Variants in PDE3A observed in about 807,000 individuals in gnomAD.
PDE3A encodes the protein phosphodiesterase 3A.
In PDE3A, 43 loss-of-function variants were observed where a neutral mutation model predicts 98.3. The observed-to-expected ratio is 0.44, with a 90% CI of 0.34 to 0.56. The LOEUF is 0.56. Among genes scored for constraint, PDE3A ranks in the 20% least tolerant of loss-of-function variants. The pLI is 0.01. For synonymous variants in PDE3A, 663 were observed against 567.9 expected (o/e 1.17, Z -2.38); for missense variants, 1,427 against 1,440.7 (o/e 0.99, Z 0.15).
chr12:20,532,900 T>C (rs1941647654), intron 1 of PDE3A, among the ~76,000 whole-genome samples: 1 of 152,062 alleles, frequency 6.6e-6, no homozygotes, highest in Non-Finnish European at 1.5e-5. Flanking sequence ...TTGGTCTCGA[T>C]CTCCTGACCT....
intron 1 of PDE3A, among the ~76,000 whole-genome samples, chr12:20,435,434 A>C (rs183156654): frequency 2.6e-4 from 39 of 152,328 alleles, no homozygotes; most frequent in Non-Finnish European, 3.4e-4. Flanking sequence ...AACCTGGAAC[A>C]ACCCCATATT....
chr12:20,678,913 T>C (rs151230552), intron 15 of PDE3A, among the ~76,000 whole-genome samples: 196 of 152,122 alleles, frequency 1.3e-3, no homozygotes, highest in African/African-American at 4.2e-3. Context: ...GGGGGAAAAG[T>C]TCCCCCTAAA....
chr12:20,369,472 C>G lies in PDE3A; in HGVS notation c.188C>G (p.Ser63Cys), dbSNP rs1352694858. ...QPLRSSRKLS[S>C]ALCAGSLSFL... ...CTCCGGAGCTCTCGGAAACTTTCCT[C>G]CGCGCTGTGCGCGGGCTCCCTGTCC... Residue 63 changes from serine to cysteine, a missense_variant, in exon 1 of 16, where the codon TCC becomes TGC. By Grantham distance (112) the Ser-to-Cys change is moderately radical (BLOSUM62 -1). Around this residue, in one of 3 missense-constraint regions of PDE3A, gnomAD observed 1,012 missense variants for 886.5 expected, o/e 1.14. Coordinates refer to ENST00000359062, the MANE Select transcript of PDE3A (RefSeq NM_000921.5). 6.4e-7 allele frequency: 1 copy of G among 1,556,120 alleles called. No individual in the cohort carries two copies. The highest frequency in any genetic ancestry group is 1.2e-5 in the South Asian group (1 of 84,438).
At chr12:20,492,253 G>A (rs1945840096) in intron 1 of PDE3A, among the ~76,000 whole-genome samples, 1 of 152,032 alleles carries the variant, frequency 6.6e-6, no homozygotes, top group Admixed American at 6.6e-5. Flanking sequence ...CAAAGTGCTG[G>A]GATTACAAGT....
intron 15 of PDE3A, among the ~76,000 whole-genome samples, chr12:20,666,579 T>C (rs1355597948): frequency 6.6e-6 from 1 of 152,194 alleles, no homozygotes; most frequent in Admixed American, 6.5e-5. Flanking sequence ...TGATCTCCAG[T>C]TCCATTAATG....
intron 1 of PDE3A, among the ~76,000 whole-genome samples, chr12:20,504,752 C>T (rs549995908): frequency 1.4e-4 from 21 of 152,166 alleles, no homozygotes; most frequent in African/African-American, 5.1e-4. Flanking sequence ...ATAATTTCTA[C>T]CATCTTCACG....
chr12:20,506,478 A>C (rs948725610), intron 1 of PDE3A, among the ~76,000 whole-genome samples: 1 of 152,086 alleles, frequency 6.6e-6, no homozygotes, highest in Non-Finnish European at 1.5e-5. Context: ...ATTTTTATTA[A>C]TCATCTTATG....
intron 1 of PDE3A, among the ~76,000 whole-genome samples, chr12:20,440,168 T>C (rs973415642): frequency 8.5e-5 from 13 of 152,092 alleles, no homozygotes; most frequent in African/African-American, 2.7e-4. Context: ...AGAGTTAACA[T>C]TGTGGTGGGG....
At chr12:20,604,546 A>ATGT (rs1425736983) in intron 2 of PDE3A, among the ~76,000 whole-genome samples, 4 of 152,190 alleles carry the variant, frequency 2.6e-5, no homozygotes, top group Admixed American at 6.5e-5. Flanking sequence ...TGTTCCAGGA[A>ATGT]TGTTAATGAA....
intron 1 of PDE3A, among the ~76,000 whole-genome samples, chr12:20,510,363 A>G (rs1033545856): frequency 9.2e-5 from 14 of 152,122 alleles, no homozygotes; most frequent in African/African-American, 3.4e-4. Flanking sequence ...GAATTAGCAA[A>G]CTAGGTAGAA....
chr12:20,518,661 TC>T (rs1187335340), intron 1 of PDE3A, among the ~76,000 whole-genome samples: 1 of 152,214 alleles, frequency 6.6e-6, no homozygotes, highest in African/African-American at 2.4e-5. Flanking sequence ...TGTTCTTCCA[TC>T]TTTTTTTCCC....
chr12:20,374,216 C>T (rs894049058), intron 1 of PDE3A, among the ~76,000 whole-genome samples: 39 of 151,680 alleles, frequency 2.6e-4, no homozygotes, highest in Non-Finnish European at 4.3e-4. Context: ...TTTTGTGTGT[C>T]GGGGGGACAA....
chr12:20,450,962 G>C (rs1827337215), intron 1 of PDE3A, among the ~76,000 whole-genome samples: 2 of 152,156 alleles, frequency 1.3e-5, no homozygotes, highest in Admixed American at 1.3e-4. Context: ...TCTAACTTCA[G>C]CTGAATCACA....
chr12:20,562,219 C>CTTTTTTT (rs138632511), intron 2 of PDE3A, among the ~76,000 whole-genome samples: 1 of 114,214 alleles, frequency 8.8e-6, no homozygotes, highest in African/African-American at 3.2e-5. Flanking sequence ...AGAAAATATG[C>CTTTTTTT]TTTTTTTTTT....
chr12:20,571,834 C>G, intron 2 of PDE3A: 1 of 869,486 alleles, frequency 1.2e-6, no homozygotes, highest in Non-Finnish European at 1.4e-6. Context: ...TCCCACTAGA[C>G]TAAAGCTTCT....
chr12:20,454,458 CTTTGTTTG>C (rs1360326534), intron 1 of PDE3A, among the ~76,000 whole-genome samples: 1 of 152,100 alleles, frequency 6.6e-6, no homozygotes, highest in Non-Finnish European at 1.5e-5. Context: ...AAGAGGAGGG[CTTTGTTTG>C]TTGTTTGTTT....
At chr12:20,391,602 A>G (rs1447508597) in intron 1 of PDE3A, among the ~76,000 whole-genome samples, 1 of 149,546 alleles carries the variant, frequency 6.7e-6, no homozygotes, top group Admixed American at 6.7e-5. Flanking sequence ...TTTTCCGTTT[A>G]TGTATGTGTT....
chr12:20,526,404 C>T (rs528649482), intron 1 of PDE3A, among the ~76,000 whole-genome samples: 1 of 152,168 alleles, frequency 6.6e-6, no homozygotes. Context: ...AATTTTTGAA[C>T]AATGTCTGGG....
Position 20,681,505 on chromosome 12 carries a change from G to C in PDE3A, c.*1234G>C, listed in dbSNP as rs1201230027. On this transcript the variant is annotated 3_prime_UTR_variant, in exon 16 of 16. Transcript: ENST00000359062. Reference sequence around the variant, plus strand: ...ATGAAGGAGAATATTTCAACACAGGGTTTTTGTGTTGACATAGGAAAAGCC... The same window carrying C: ...ATGAAGGAGAATATTTCAACACAGGCTTTTTGTGTTGACATAGGAAAAGCC... 1 of 152,184 alleles carries C rather than the reference G, an allele frequency of 6.6e-6. No homozygotes were observed. Among genetic ancestry groups the C allele is most frequent in the Admixed American group, 6.5e-5 (1 of 15,276 alleles). 9.4% of individuals were successfully genotyped at this position (152,184 alleles called of 1,614,324 possible).
Sources: allele counts gnomAD v4.1 joint callset (sites outside exome capture counted in the v4.1 genomes callset), GRCh38; gene constraint gnomAD v4.1.1; regional missense constraint gnomAD v4.1.1; transcripts MANE v1.5; gene names NCBI Gene and HGNC (gene_info 2026-07-23, HGNC 2026-07-21).